The following DNAJB8 variants were observed in gnomAD, a reference collection of about 807,000 sequenced individuals.
DNAJB8 encodes dnaJ homolog subfamily B member 8.
For synonymous variants in DNAJB8, 127 were observed against 127.1 expected, an observed-to-expected ratio of 1.00 and a Z score of 0.00; for missense variants, 354 against 318.9, an observed-to-expected ratio of 1.11 and a Z score of -0.84.
intron 2 of DNAJB8, among the ~76,000 whole-genome samples, chr3:128,464,727 G>A (rs1380368240): frequency 6.6e-6 from 1 of 150,748 alleles, no homozygotes; most frequent in Non-Finnish European, 1.5e-5. Flanking sequence ...GGGTCACCAA[G>A]TCTTAACTAA....
intron 2 of DNAJB8, among the ~76,000 whole-genome samples, chr3:128,464,389 G>T (rs1334697950): frequency 6.6e-6 from 1 of 152,202 alleles, no homozygotes; most frequent in Non-Finnish European, 1.5e-5. Flanking sequence ...TCTCCCTGCA[G>T]CCTCCAGAGG....
At position 128,466,649 on chromosome 3, in the gene DNAJB8, G is replaced by T. The variant is rs1183454785; in HGVS notation, c.-1062C>A. 2 of 152,238 alleles carry T rather than the reference G, an allele frequency of 1.3e-5. No individual in the cohort carries two copies. The highest frequency in any genetic ancestry group is 4.8e-5 in the African/African-American group (2 of 41,428). The allele number at this position is 152,238 out of a possible 1,614,324, so 9.4% of individuals were successfully genotyped here. A position where few individuals can be genotyped will look rare whatever the true frequency, so the allele number is the denominator to read the frequency against. The stretch of plus-strand genomic sequence containing the variant: ...GTCTCCTTGCATCCTGGAGAAATCT[G>T]AGGGATTTTCCAGAATCCCATCACC... On this transcript the variant is annotated 5_prime_UTR_variant, in exon 1 of 3. Coordinates refer to ENST00000319153, the MANE Select transcript of DNAJB8 (RefSeq NM_153330.6).
chr3:128,464,858 C>T (rs116251634), intron 2 of DNAJB8, among the ~76,000 whole-genome samples: 1,697 of 143,386 alleles, frequency 0.012, 18 homozygotes, highest in Middle Eastern at 0.043. Flanking sequence ...CCTCCCTTCC[C>T]CCTCCTTCCT....
chr3:128,464,151 T>C (rs1046192183), intron 2 of DNAJB8, 41 bp from the exon 3 acceptor site: 8 of 153,476 alleles, frequency 5.2e-5, no homozygotes, highest in Admixed American at 4.6e-4. Context: ...TATTGATTAC[T>C]GACTGTAGTG....
rs558130582 is a variant in DNAJB8 at position 128,463,797 on chromosome 3, C to T, written c.-552G>A. The T allele has an allele frequency of 1.8e-5, 3 of 167,318 alleles. No individual in the cohort carries two copies. The highest frequency in any genetic ancestry group is 4.8e-5 in the African/African-American group (2 of 41,380). 10.4% of individuals were successfully genotyped at this position (167,318 alleles called of 1,614,324 possible). On this transcript the variant is annotated 5_prime_UTR_variant, in exon 3 of 3. Coordinates refer to ENST00000319153, the MANE Select transcript of DNAJB8 (RefSeq NM_153330.6). ...GGCGTCCTGGGTATGTCCACTCGGC[C>T]GATGGCTGGGCAGCAGCTGAGGCAA...
At position 128,463,505 on chromosome 3, in the gene DNAJB8, T is replaced by C. The variant is rs1559978658; in HGVS notation, c.-260A>G. The C allele has an allele frequency of 2.6e-6, 1 of 380,630 alleles. No homozygotes were observed. The allele number at this position is 380,630 out of a possible 1,614,324, so 23.6% of individuals were successfully genotyped here. On this transcript the variant is annotated 5_prime_UTR_variant, in exon 3 of 3. Coordinates refer to ENST00000319153, the MANE Select transcript of DNAJB8 (RefSeq NM_153330.6). ...CTGCCGCTGTGGGGCCAGGCCAGAG[T>C]GGGCTGCCCTCCAGAGCTCCTTTTA...
In DNAJB8 at chr3:128,462,863, T is replaced by A. The variant is rs1341204847; in HGVS notation, c.383A>T (p.His128Leu). Residue 128 changes from histidine (H) to leucine (L), a missense_variant, in exon 3 of 3, where the codon CAT becomes CTT. His to Leu is a moderately conservative substitution (Grantham distance 99). Transcript: ENST00000319153. ...TGCCGAGAAGGCCCCCCTCAGGCCA[T>A]GGCCCCGGCCACCACGGTCACTATT... ...PFNSDRGGRGHGLRGAFSAGF... is the reference protein window; with the variant it reads ...PFNSDRGGRGLGLRGAFSAGF... The A allele has an allele frequency of 1.2e-6, 2 of 1,614,058 alleles. No individual in the cohort carries two copies. The highest frequency in any genetic ancestry group is 3.3e-5 in the Admixed American group (2 of 60,016).
Position 128,463,112 on chromosome 3 carries a change from T to C in DNAJB8, c.134A>G (p.Lys45Arg). ...ATAGGCCTCAGACACCAGCTTGAAC[T>C]TCTTCTCCGCCTCCTCCTTATTGTC... ...NPDNKEEAEK[K>R]FKLVSEAYEV... is the part of the protein sequence containing the mutation. The change falls in exon 3 of 3, where the codon AAG becomes AGG. Residue 45 changes from lysine to arginine, a missense_variant. Transcript: ENST00000319153. The C allele has an allele frequency of 6.2e-7, 1 of 1,614,220 alleles. No individual in the cohort carries two copies. The highest frequency in any genetic ancestry group is 1.1e-5 in the South Asian group (1 of 91,088).
Position 128,462,762 on chromosome 3 carries a change from T to A in DNAJB8, c.484A>T (p.Thr162Ser), listed in dbSNP as rs2068476118. Residue 162 changes from threonine to serine, a missense_variant, in exon 3 of 3, where the codon ACC becomes TCC. By Grantham distance (58) the Thr-to-Ser change is moderately conservative. Transcript: ENST00000319153. ...NMLGCSGGSH[T>S]TFSSTSFGGS... ...CCGAAGGAGGTGGATGAGAAGGTGG[T>A]GTGGCTGCCCCCGCTGCAGCCCAGC... 1 of 1,614,100 alleles carries A rather than the reference T, an allele frequency of 6.2e-7. No individual in the cohort carries two copies. Among genetic ancestry groups the A allele is most frequent in the African/African-American group, 1.3e-5 (1 of 75,028 alleles).
rs199602765 is a variant in DNAJB8 at position 128,463,126 on chromosome 3, C to T, written c.120G>A (p.Glu40=). ...WHPDKNPDNK[E]EAEKKFKLVS... is the part of the protein sequence containing the mutation. ...CCAGCTTGAACTTCTTCTCCGCCTC[C>T]TCCTTATTGTCAGGGTTCTTGTCGG... is the stretch of plus-strand genomic sequence containing the variant. The change falls in exon 3 of 3, where the codon GAG becomes GAA. Residue 40 remains glutamate, a synonymous_variant. Transcript: ENST00000319153. 1.9e-6 allele frequency: 3 copies of T among 1,614,242 alleles called. No individual in the cohort carries two copies. Among genetic ancestry groups the T allele is most frequent in the East Asian group, 2.2e-5 (1 of 44,868 alleles).
At chr3:128,464,411 C>T (rs1000555678) in intron 2 of DNAJB8, among the ~76,000 whole-genome samples, 1 of 152,182 alleles carries the variant, frequency 6.6e-6, no homozygotes, top group African/African-American at 2.4e-5. Context: ...AGTGCGGCCC[C>T]ACTAACACCT....
rs145699554 is a variant in DNAJB8, at chr3:128,464,642, C to T, written c.-865-532G>A. On this transcript the variant is annotated intron_variant, in intron 2 of 2. Transcript: ENST00000319153. ...GATTAATATCTGTTCCTACCTTCAC[C>T]TCACCCCACTCCAATTAAGATCAAA... 3.5e-3 allele frequency among the ~76,000 whole-genome samples: 531 copies of T among 152,230 alleles called. 1 individual carries two copies. Among genetic ancestry groups the T allele is most frequent in the African/African-American group, 0.012 (480 of 41,516 alleles).
At chr3:128,464,578 G>A (rs578068927) in intron 2 of DNAJB8, among the ~76,000 whole-genome samples, 68 of 152,212 alleles carry the variant, frequency 4.5e-4, no homozygotes, top group African/African-American at 1.5e-3. Flanking sequence ...TTCTTGTTCT[G>A]GTGTTGGATC....
In DNAJB8 at chr3:128,462,849, C is replaced by G; in HGVS notation, c.397G>C (p.Ala133Pro). 6.2e-7 allele frequency: 1 copy of G among 1,614,146 alleles called. No individual in the cohort carries two copies. The highest frequency in any genetic ancestry group is 8.5e-7 in the Non-Finnish European group (1 of 1,180,002). Residue 133 changes from alanine (A) to proline (P), a missense_variant, in exon 3 of 3, where the codon GCC becomes CCC. Ala to Pro is a conservative substitution (Grantham distance 27). Coordinates refer to ENST00000319153, the MANE Select transcript of DNAJB8 (RefSeq NM_153330.6). ...RGGRGHGLRG[A>P]FSAGFGEFPA... ...AATTCTCCAAAGCCTGCCGAGAAGG[C>G]CCCCCTCAGGCCATGGCCCCGGCCA...
rs2068492622 is a variant in DNAJB8 at position 128,463,990 on chromosome 3, T to A, written c.-745A>T. The A allele has an allele frequency of 6.0e-6, 1 of 167,028 alleles. No homozygotes were observed. The highest frequency in any genetic ancestry group is 2.1e-4 in the South Asian group (1 of 4,828). 10.3% of individuals were successfully genotyped at this position (167,028 alleles called of 1,614,324 possible). ...CGAGGGCCGTCGGTAAACTCTTGGATGAACCAGGCTCAGAGACACACAGTG... is the reference window on the plus strand; with the variant it reads ...CGAGGGCCGTCGGTAAACTCTTGGAAGAACCAGGCTCAGAGACACACAGTG... On this transcript the variant is annotated 5_prime_UTR_variant, in exon 3 of 3. Transcript: ENST00000319153.
Position 128,462,619 on chromosome 3 carries a change from C to T in DNAJB8, c.627G>A (p.Val209=). 2 of 1,613,964 alleles carry T rather than the reference C, an allele frequency of 1.2e-6. No homozygotes were observed. The highest frequency in any genetic ancestry group is 2.2e-5 in the South Asian group (2 of 91,080). ...IVENGQERVE[V]EEDGQLKSVT... The stretch of plus-strand genomic sequence containing the variant: ...CCGACTTGAGCTGCCCGTCTTCCTC[C>T]ACCTCCACGCGCTCCTGCCCGTTCT... Residue 209 remains valine (V), a synonymous_variant, in exon 3 of 3, where the codon GTG becomes GTA. Transcript: ENST00000319153.
In DNAJB8 at chr3:128,463,202, G is replaced by C; in HGVS notation, c.44C>G (p.Ser15Cys). Residue 15 changes from serine to cysteine, a missense_variant, in exon 3 of 3, where the codon TCC (serine) becomes TGC (cysteine). By Grantham distance (112) the Ser-to-Cys change is moderately radical. Transcript: ENST00000319153. ...YEVLGVQASA[S>C]PEDIKKAYRK... Reference sequence around the variant, plus strand: ...GTAGGCTTTCTTGATGTCCTCCGGGGAAGCGCTGGCCTGCACGCCCAGCAC... The same window carrying C: ...GTAGGCTTTCTTGATGTCCTCCGGGCAAGCGCTGGCCTGCACGCCCAGCAC... 1 of 1,614,162 alleles carries C rather than the reference G, an allele frequency of 6.2e-7. No individual in the cohort carries two copies. Among genetic ancestry groups the C allele is most frequent in the Non-Finnish European group, 8.5e-7 (1 of 1,180,004 alleles).
Position 128,463,183 on chromosome 3 carries a change from T to C in DNAJB8, c.63A>G (p.Lys21=), listed in dbSNP as rs770048373. The C allele has an allele frequency of 6.2e-7, 1 of 1,614,138 alleles. No individual in the cohort carries two copies. The highest frequency in any genetic ancestry group is 1.1e-5 in the South Asian group (1 of 91,074). The change falls in exon 3 of 3, where the codon AAA becomes AAG. Residue 21 remains lysine (K), a synonymous_variant. Coordinates refer to ENST00000319153, the MANE Select transcript of DNAJB8 (RefSeq NM_153330.6). ...QASASPEDIK[K]AYRKLALRWH... ...AACGAAGGGCCAGCTTGCGGTAGGCTTTCTTGATGTCCTCCGGGGAAGCGC... is the reference window on the plus strand; with the variant it reads ...AACGAAGGGCCAGCTTGCGGTAGGCCTTCTTGATGTCCTCCGGGGAAGCGC...
rs191223590 is a variant in DNAJB8, at chr3:128,463,497, G to A, written c.-252C>T. On this transcript the variant is annotated 5_prime_UTR_variant, in exon 3 of 3. Transcript: ENST00000319153. Reference sequence around the variant, plus strand: ...GAGGGACACTGCCGCTGTGGGGCCAGGCCAGAGTGGGCTGCCCTCCAGAGC... The same window carrying A: ...GAGGGACACTGCCGCTGTGGGGCCAAGCCAGAGTGGGCTGCCCTCCAGAGC... 7.3e-4 allele frequency: 300 copies of A among 409,240 alleles called. 1 individual carries two copies. Among genetic ancestry groups the A allele is most frequent in the African/African-American group, 5.5e-3 (272 of 49,606 alleles). 25.4% of individuals were successfully genotyped at this position (409,240 alleles called of 1,614,324 possible).
Sources: gnomAD v4.1 joint callset for allele counts (sites outside exome capture counted in the v4.1 genomes callset) on GRCh38, gnomAD v4.1.1 for gene constraint, MANE v1.5 for transcripts, NCBI Gene and HGNC (gene_info 2026-07-23, HGNC 2026-07-21) for gene names.